The following CCDC146 variants were observed in gnomAD, a reference collection of about 807,000 sequenced individuals.
The protein encoded by CCDC146 is coiled-coil domain containing 146.
Under a neutral mutation model 119.3 loss-of-function variants are expected in CCDC146, and 92 were observed. The observed-to-expected ratio is 0.77, with a 90% CI of 0.65 to 0.92. The LOEUF is 0.92. CCDC146 is among the 40% of genes least tolerant of loss of function. The pLI is 0.00. For missense variants in CCDC146, 1,000 were observed against 1,103.0 expected (o/e 0.91, Z 1.32); for synonymous variants, 372 against 371.8 (o/e 1.00, Z -0.01).
At chr7:77,171,660 A>C (rs1791423696) in intron 2 of CCDC146, among the ~76,000 whole-genome samples, 1 of 152,224 alleles carries the variant, frequency 6.6e-6, no homozygotes, top group South Asian at 2.1e-4. Context: ...ACACACAGGA[A>C]CCTGACGGCC....
intron 2 of CCDC146, among the ~76,000 whole-genome samples, chr7:77,173,870 G>C (rs976975942): frequency 1.3e-5 from 2 of 152,180 alleles, no homozygotes; most frequent in Admixed American, 6.5e-5. Flanking sequence ...TAAGTGTACA[G>C]ATCAGGTTTT....
chr7:77,278,182 C>T (rs1238998092), intron 11 of CCDC146, among the ~76,000 whole-genome samples: 1 of 152,144 alleles, frequency 6.6e-6, no homozygotes. Context: ...ATCTATTTTC[C>T]ATAAACTACA....
chr7:77,191,073 A>G (rs1450138666), intron 2 of CCDC146, among the ~76,000 whole-genome samples: 2 of 152,258 alleles, frequency 1.3e-5, no homozygotes, highest in East Asian at 3.9e-4. Flanking sequence ...CCTATAGTAT[A>G]CAGTAAGTCC....
chr7:77,123,403 GGT>G (rs557580080), intron 1 of CCDC146, among the ~76,000 whole-genome samples: 17,988 of 125,080 alleles, frequency 0.14, 1,091 homozygotes, highest in Middle Eastern at 0.18. Context: ...GACCCTATAA[GGT>G]GTGTGTGTGT....
rs544521147 is a variant in CCDC146, at chr7:77,275,473, G to A, written c.1440+821G>A. 2.0e-5 allele frequency among the ~76,000 whole-genome samples: 3 copies of A among 152,270 alleles called. No homozygotes were observed. In the South Asian group the frequency reaches 6.2e-4, roughly 32 times the overall value. On this transcript the variant is annotated intron_variant, in intron 11 of 18. Transcript: ENST00000285871. ...GGAAAGGAGATCATTGATAATGATC[G>A]GAGGATTTGAACAGATGGCAATTTC...
At chr7:77,253,980 C>T (rs1793129308) in intron 4 of CCDC146, among the ~76,000 whole-genome samples, 1 of 152,074 alleles carries the variant, frequency 6.6e-6, no homozygotes, top group African/African-American at 2.4e-5. Context: ...GAGGCAGGGC[C>T]ATGTAGGTTT....
At chr7:77,160,087 G>A (rs552308226) in intron 1 of CCDC146, among the ~76,000 whole-genome samples, 18 of 152,262 alleles carry the variant, frequency 1.2e-4, no homozygotes, top group East Asian at 3.9e-4. Context: ...GTAGATATGC[G>A]ACGCTATTTC....
intron 4 of CCDC146, among the ~76,000 whole-genome samples, chr7:77,253,294 A>G (rs1418086955): frequency 6.6e-6 from 1 of 152,186 alleles, no homozygotes; most frequent in African/African-American, 2.4e-5. Flanking sequence ...ATCTCTGTCA[A>G]GTTTCCTCTG....
At chr7:77,225,192 C>T (rs765415288) in intron 2 of CCDC146, among the ~76,000 whole-genome samples, 1 of 152,174 alleles carries the variant, frequency 6.6e-6, no homozygotes, top group African/African-American at 2.4e-5. Flanking sequence ...TTCTCTCTTA[C>T]AACTGAAGAG....
intron 2 of CCDC146, among the ~76,000 whole-genome samples, chr7:77,230,029 T>A (rs1158045762): frequency 6.6e-6 from 1 of 152,222 alleles, no homozygotes; most frequent in Non-Finnish European, 1.5e-5. Flanking sequence ...GGATATTTCA[T>A]ATAAATGAAT....
At chr7:77,267,229 G>T (rs1184574816) in intron 9 of CCDC146, among the ~76,000 whole-genome samples, 1 of 152,052 alleles carries the variant, frequency 6.6e-6, no homozygotes, top group Non-Finnish European at 1.5e-5. Flanking sequence ...CTGACCTCAG[G>T]TGATCCACCT....
intron 9 of CCDC146, among the ~76,000 whole-genome samples, chr7:77,267,816 C>A (rs1331863546): frequency 6.6e-6 from 1 of 152,124 alleles, no homozygotes; most frequent in South Asian, 2.1e-4. Flanking sequence ...AAATTCTTCT[C>A]CAATTATATA....
chr7:77,148,215 T>C (rs191354706), intron 1 of CCDC146, among the ~76,000 whole-genome samples: 1,737 of 152,308 alleles, frequency 0.011, 24 homozygotes, highest in African/African-American at 0.039. Context: ...GAGCCATGCG[T>C]GGGATATAAT....
intron 14 of CCDC146, among the ~76,000 whole-genome samples, chr7:77,281,970 G>A (rs1044652007): frequency 5.9e-5 from 9 of 152,214 alleles, no homozygotes; most frequent in Non-Finnish European, 1.3e-4. Flanking sequence ...AGCTGCTGGG[G>A]TTAGAACATT....
At chr7:77,158,828 T>G (rs1334796012) in intron 1 of CCDC146, among the ~76,000 whole-genome samples, 2 of 152,176 alleles carry the variant, frequency 1.3e-5, no homozygotes, top group African/African-American at 2.4e-5. Flanking sequence ...AGATATTTGT[T>G]TTATCCATTA....
At chr7:77,236,863 T>A in intron 2 of CCDC146, 84 bp from the exon 3 acceptor site, 2 of 1,000,200 alleles carry the variant, frequency 2.0e-6, no homozygotes, top group South Asian at 2.8e-5. Flanking sequence ...GAGGATTTTA[T>A]AAGATAACCA....
intron 9 of CCDC146, among the ~76,000 whole-genome samples, chr7:77,267,386 G>C (rs1032684346): frequency 2.0e-5 from 3 of 152,158 alleles, no homozygotes; most frequent in African/African-American, 4.8e-5. Context: ...TAGAAAGTTT[G>C]TCCATGTATT....
intron 2 of CCDC146, among the ~76,000 whole-genome samples, chr7:77,222,322 C>A (rs1792420694): frequency 1.3e-5 from 2 of 152,336 alleles, no homozygotes; most frequent in South Asian, 4.1e-4. Flanking sequence ...TCGGGGATGC[C>A]TCCATGCTAA....
At chr7:77,212,101 T>A (rs1447057483) in intron 2 of CCDC146, among the ~76,000 whole-genome samples, 1 of 152,072 alleles carries the variant, frequency 6.6e-6, no homozygotes, top group Non-Finnish European at 1.5e-5. Context: ...AAATGATGCA[T>A]ACATATGGGA....
Sources: allele counts gnomAD v4.1 joint callset (sites outside exome capture counted in the v4.1 genomes callset), GRCh38; gene constraint gnomAD v4.1.1; transcripts MANE v1.5; gene names NCBI Gene and HGNC (gene_info 2026-07-23, HGNC 2026-07-21).